STK32B: variants seen among roughly 807,000 people sequenced by gnomAD.
The protein encoded by STK32B is serine/threonine-protein kinase 32B.
Under a neutral mutation model 52.6 loss-of-function variants are expected in STK32B, and 43 were observed. The ratio of observed to expected loss-of-function variants is 0.82; its 90% confidence interval spans 0.64 to 1.05. The LOEUF is 1.05. Among genes scored for constraint, STK32B ranks in the 50% least tolerant of loss-of-function variants. The pLI, the probability that STK32B is intolerant of heterozygous loss-of-function variation, is 0.00. For synonymous variants in STK32B, 238 were observed against 204.3 expected (o/e 1.17, Z -1.41); for missense variants, 621 against 534.6 (o/e 1.16, Z -1.59).
Position 5,498,871 on chromosome 4 carries a change from G to A in STK32B, c.1107-74G>A, listed in dbSNP as rs573643641. 17 of 1,504,790 alleles carry A rather than the reference G, an allele frequency of 1.1e-5. No individual in the cohort carries two copies. In the Middle Eastern group the frequency reaches 9.1e-4, roughly 80 times the overall value. The allele number at this position is 1,504,790 out of a possible 1,614,324, so 93.2% of individuals were successfully genotyped here. A position where few individuals can be genotyped will look rare whatever the true frequency, so the allele number is the denominator to read the frequency against. On this transcript the variant is annotated intron_variant, in intron 11 of 11. Transcript: ENST00000282908. ...TGAAGGCTCCACAGTTGCCCTGCCT[G>A]CCCAGTGTGTCTCCTGGATGTGCCT...
intron 3 of STK32B, among the ~76,000 whole-genome samples, chr4:5,250,010 T>C (rs1725802130): frequency 6.6e-6 from 1 of 150,748 alleles, no homozygotes; most frequent in African/African-American, 2.5e-5. Flanking sequence ...ATGCAGTATT[T>C]GGTTTTCTGT....
At chr4:5,187,973 A>G (rs11936284) in intron 3 of STK32B, among the ~76,000 whole-genome samples, 3,770 of 152,224 alleles carry the variant, frequency 0.025, 149 homozygotes, top group African/African-American at 0.086. Flanking sequence ...TCCTCTTCCT[A>G]GGTGTGTACC....
At chr4:5,221,217 T>C (rs17734547) in intron 3 of STK32B, among the ~76,000 whole-genome samples, 17,873 of 152,168 alleles carry the variant, frequency 0.12, 1,086 homozygotes, top group Middle Eastern at 0.13. Flanking sequence ...CATCCACTTC[T>C]GGAAGGCGGT....
intron 3 of STK32B, among the ~76,000 whole-genome samples, chr4:5,251,964 A>G (rs1436715826): frequency 6.6e-6 from 1 of 152,122 alleles, no homozygotes; most frequent in East Asian, 1.9e-4. Flanking sequence ...CATGAAAGCA[A>G]CTTGAGAAGG....
intron 1 of STK32B, among the ~76,000 whole-genome samples, chr4:5,084,717 G>A (rs1258995791): frequency 2.0e-5 from 3 of 152,070 alleles, no homozygotes; most frequent in African/African-American, 7.2e-5. Context: ...AAAAATTGAG[G>A]AAAGCAAATC....
intron 4 of STK32B, among the ~76,000 whole-genome samples, chr4:5,367,642 T>C (rs1222855741): frequency 6.6e-6 from 1 of 152,220 alleles, no homozygotes; most frequent in Non-Finnish European, 1.5e-5. Context: ...CCCTGCTGAG[T>C]ACAGGTCAAC....
At chr4:5,104,569 G>C (rs569811633) in intron 1 of STK32B, among the ~76,000 whole-genome samples, 1 of 152,146 alleles carries the variant, frequency 6.6e-6, no homozygotes, top group African/African-American at 2.4e-5. Context: ...AGTGCATAAG[G>C]CATAAGTATA....
In STK32B at chr4:5,051,547, C is replaced by T. The variant is rs990673568; in HGVS notation, c.-317C>T. 3 of 366,696 alleles carry T rather than the reference C, an allele frequency of 8.2e-6. No individual in the cohort carries two copies. Among genetic ancestry groups the T allele is most frequent in the South Asian group, 6.7e-5 (1 of 14,962 alleles). The allele number at this position is 366,696 out of a possible 1,614,324, so 22.7% of individuals were successfully genotyped here. A position where few individuals can be genotyped will look rare whatever the true frequency, so the allele number is the denominator to read the frequency against. ...GCCCGCTGTAGCCGGCGAGGAGCGC[C>T]GCACGTTGGCCCCGGCGCGAGGAGC... On this transcript the variant is annotated 5_prime_UTR_variant, in exon 1 of 12. Transcript: ENST00000282908.
chr4:5,493,676 G>T (rs1316799534), intron 11 of STK32B, among the ~76,000 whole-genome samples: 2 of 152,190 alleles, frequency 1.3e-5, no homozygotes, highest in Non-Finnish European at 2.9e-5. Flanking sequence ...ATGTCAGGGT[G>T]TCAATTTTGG....
chr4:5,279,765 C>T (rs1728070872), intron 3 of STK32B, among the ~76,000 whole-genome samples: 1 of 152,230 alleles, frequency 6.6e-6, no homozygotes, highest in Non-Finnish European at 1.5e-5. Context: ...GTTTTGTGCA[C>T]TCGCTGTCTC....
In STK32B at chr4:5,208,478, T is replaced by C. The variant is rs566311905; in HGVS notation, c.260+40028T>C. ...AACACTTTGTAGTTGTTATGGCATT[T>C]GATCTTCACATTAGTCATGAGAAGT... On this transcript the variant is annotated intron_variant, in intron 3 of 11. Coordinates refer to ENST00000282908, the MANE Select transcript of STK32B (RefSeq NM_018401.3). 7.4e-4 allele frequency among the ~76,000 whole-genome samples: 113 copies of C among 152,342 alleles called. 1 individual carries two copies. The highest frequency in any genetic ancestry group is 3.5e-3 in the Admixed American group (53 of 15,308).
At chr4:5,486,570 C>T (rs141236646) in intron 11 of STK32B, among the ~76,000 whole-genome samples, 7,614 of 152,290 alleles carry the variant, frequency 0.05, 329 homozygotes, top group African/African-American at 0.12. Context: ...GGCTCACGCT[C>T]GGTGCGCTGC....
chr4:5,399,349 G>A lies in STK32B; in HGVS notation c.472+1105G>A, dbSNP rs1737139938. On this transcript the variant is annotated intron_variant, in intron 5 of 11. Transcript: ENST00000282908. The surrounding 1 kb of genome is among the most constrained non-coding windows in gnomAD (Gnocchi z 5.4). ...GCTGAGGTCATGGTTCTATCTCAGA[G>A]CTCCTCTCGAACCTTCCATGAGCCA... Among the ~76,000 whole-genome samples the A allele has an allele frequency of 6.6e-6, 1 of 152,112 alleles. No homozygotes were observed. Among genetic ancestry groups the A allele is most frequent in the African/African-American group, 2.4e-5 (1 of 41,404 alleles).
At chr4:5,443,337 C>T (rs144235617) in intron 6 of STK32B, among the ~76,000 whole-genome samples, 18,666 of 151,492 alleles carry the variant, frequency 0.12, 1,302 homozygotes, top group East Asian at 0.27. Context: ...CTTCCCTTCT[C>T]GCTTCATTTC....
At chr4:5,455,514 G>A (rs1228824914) in intron 7 of STK32B, among the ~76,000 whole-genome samples, 2 of 152,204 alleles carry the variant, frequency 1.3e-5, no homozygotes, top group African/African-American at 4.8e-5. Flanking sequence ...AGATCCTACT[G>A]GTTTGCAGGG....
intron 3 of STK32B, among the ~76,000 whole-genome samples, chr4:5,282,765 G>A (rs1309707650): frequency 6.6e-6 from 1 of 152,056 alleles, no homozygotes; most frequent in African/African-American, 2.4e-5. Flanking sequence ...AGATATACTG[G>A]GCAAGGGGAT....
chr4:5,379,438 G>C (rs1735790731), intron 4 of STK32B, among the ~76,000 whole-genome samples: 1 of 152,032 alleles, frequency 6.6e-6, no homozygotes, highest in Non-Finnish European at 1.5e-5. Flanking sequence ...CCCCCACTCT[G>C]GTACCCTACG....
At chr4:5,127,829 G>C (rs1324822975) in intron 1 of STK32B, among the ~76,000 whole-genome samples, 1 of 152,066 alleles carries the variant, frequency 6.6e-6, no homozygotes, top group Non-Finnish European at 1.5e-5. Flanking sequence ...CCTCGTGGGA[G>C]GTAATTGAAT....
chr4:5,459,482 TC>T (rs1246775586), intron 8 of STK32B, among the ~76,000 whole-genome samples: 3 of 152,202 alleles, frequency 2.0e-5, no homozygotes, highest in Non-Finnish European at 4.4e-5. Flanking sequence ...GTCTTTTCAT[TC>T]TTGGCCCCTG....
Sources: allele counts gnomAD v4.1 joint callset (sites outside exome capture counted in the v4.1 genomes callset), GRCh38; gene constraint gnomAD v4.1.1; non-coding constraint Gnocchi (gnomAD v3.1); transcripts MANE v1.5; gene names NCBI Gene and HGNC (gene_info 2026-07-23, HGNC 2026-07-21).